The following ADCY2 variants were observed in gnomAD, a reference collection of about 807,000 sequenced individuals.
ADCY2 encodes adenylate cyclase type 2.
ADCY2 carries 31 observed loss-of-function variants against 125.2 expected under a neutral mutation model. The ratio of observed to expected loss-of-function variants is 0.25; its 90% CI spans 0.19 to 0.33. The LOEUF (loss-of-function observed/expected upper bound fraction) is 0.33. ADCY2 is among the 10% of genes least tolerant of loss of function. The pLI is 1.00. For synonymous variants in ADCY2, 512 were observed against 548.4 expected (o/e 0.93, Z 0.93); for missense variants, 904 against 1,418.2 (o/e 0.64, Z 5.82).
intron 1 of ADCY2, among the ~76,000 whole-genome samples, chr5:7,397,033 A>G (rs971290541): frequency 3.3e-5 from 5 of 152,330 alleles, no homozygotes; most frequent in Admixed American, 3.3e-4. Context: ...AATTAAGTAT[A>G]CATCTTTGCC....
At chr5:7,670,714 C>T (rs1196505738) in intron 4 of ADCY2, among the ~76,000 whole-genome samples, 1 of 152,162 alleles carries the variant, frequency 6.6e-6, no homozygotes. Flanking sequence ...ATTAGATTCT[C>T]ATAAGGAGCA....
chr5:7,621,648 A>C (rs1737957839), intron 3 of ADCY2, among the ~76,000 whole-genome samples: 1 of 152,198 alleles, frequency 6.6e-6, no homozygotes, highest in African/African-American at 2.4e-5. Flanking sequence ...CTGTACTCTT[A>C]AATGTGAAAA....
intron 3 of ADCY2, among the ~76,000 whole-genome samples, chr5:7,580,094 T>C (rs1489640436): frequency 6.6e-6 from 1 of 152,092 alleles, no homozygotes; most frequent in Non-Finnish European, 1.5e-5. Context: ...CCCTAGGAGC[T>C]ACTAGAAGGG....
At chr5:7,794,280 G>A (rs926284782) in intron 20 of ADCY2, 2 of 152,196 alleles carry the variant, frequency 1.3e-5, no homozygotes, top group Non-Finnish European at 2.9e-5. Flanking sequence ...AATAGGGTGA[G>A]CAATGGGGGT....
At chr5:7,627,982 T>A (rs1198231341) in intron 4 of ADCY2, among the ~76,000 whole-genome samples, 1 of 152,252 alleles carries the variant, frequency 6.6e-6, no homozygotes, top group Admixed American at 6.5e-5. Flanking sequence ...TTGTTTGTTC[T>A]AGATGTGTGT....
At chr5:7,515,031 T>C (rs1045530428) in intron 2 of ADCY2, among the ~76,000 whole-genome samples, 6 of 152,238 alleles carry the variant, frequency 3.9e-5, no homozygotes, top group African/African-American at 9.6e-5. Context: ...CATGAAATCA[T>C]TGGAGCAGCT....
chr5:7,591,854 GCT>G (rs932554061), intron 3 of ADCY2, among the ~76,000 whole-genome samples: 12 of 152,150 alleles, frequency 7.9e-5, no homozygotes, highest in Non-Finnish European at 1.6e-4. Flanking sequence ...CATTTTCCTG[GCT>G]GCTGGTGAGA....
intron 3 of ADCY2, among the ~76,000 whole-genome samples, chr5:7,591,269 G>T (rs939776607): frequency 2.0e-5 from 3 of 152,142 alleles, no homozygotes; most frequent in Non-Finnish European, 4.4e-5. Context: ...AATGAAACTT[G>T]TTTGTAACTT....
At chr5:7,734,598 G>T (rs1742193039) in intron 14 of ADCY2, among the ~76,000 whole-genome samples, 2 of 152,150 alleles carry the variant, frequency 1.3e-5, no homozygotes, top group Non-Finnish European at 1.5e-5. Flanking sequence ...TTTTGCAACT[G>T]GGCTGTTAAT....
intron 4 of ADCY2, among the ~76,000 whole-genome samples, chr5:7,685,702 G>A (rs944831525): frequency 6.6e-6 from 1 of 152,202 alleles, no homozygotes; most frequent in Non-Finnish European, 1.5e-5. Flanking sequence ...TGAGGCTGGA[G>A]GAGGACTGTT....
chr5:7,412,719 T>C (rs1739772973), intron 1 of ADCY2, among the ~76,000 whole-genome samples: 1 of 152,178 alleles, frequency 6.6e-6, no homozygotes, highest in Non-Finnish European at 1.5e-5. Flanking sequence ...CCCCATTCGG[T>C]TGAGTTCACT....
intron 3 of ADCY2, among the ~76,000 whole-genome samples, chr5:7,577,133 A>G: frequency 6.6e-6 from 1 of 152,188 alleles, no homozygotes; most frequent in Admixed American, 6.5e-5. Context: ...ACTATTGGAT[A>G]TTCGAAACAT....
chr5:7,677,308 A>G (rs571997221), intron 4 of ADCY2, among the ~76,000 whole-genome samples: 2 of 152,240 alleles, frequency 1.3e-5, no homozygotes, highest in Non-Finnish European at 2.9e-5. Flanking sequence ...AACAAAAAAA[A>G]AGAAATTACT....
At chr5:7,508,950 G>A (rs1743951996) in intron 2 of ADCY2, among the ~76,000 whole-genome samples, 1 of 152,228 alleles carries the variant, frequency 6.6e-6, no homozygotes. Flanking sequence ...TAACTACGAA[G>A]ATGGAGATGA....
At chr5:7,653,364 T>C (rs1739164648) in intron 4 of ADCY2, among the ~76,000 whole-genome samples, 1 of 152,176 alleles carries the variant, frequency 6.6e-6, no homozygotes, top group African/African-American at 2.4e-5. Context: ...ATCATCCCCA[T>C]GCATGCTGCA....
chr5:7,666,585 T>C (rs1389677033), intron 4 of ADCY2, among the ~76,000 whole-genome samples: 1 of 152,192 alleles, frequency 6.6e-6, no homozygotes, highest in South Asian at 2.1e-4. Flanking sequence ...GTTTTCTTTA[T>C]GGGTCTGATG....
chr5:7,564,778 A>G (rs1199844541), intron 3 of ADCY2, among the ~76,000 whole-genome samples: 2 of 152,218 alleles, frequency 1.3e-5, no homozygotes, highest in African/African-American at 4.8e-5. Context: ...ACTACCTAAC[A>G]GAGCTCAAAT....
At chr5:7,450,859 C>T (rs1741446300) in intron 2 of ADCY2, among the ~76,000 whole-genome samples, 2 of 152,042 alleles carry the variant, frequency 1.3e-5, no homozygotes, top group South Asian at 4.2e-4. Flanking sequence ...AACAACAAAG[C>T]CTAGAGGACA....
chr5:7,591,777 T>C (rs1736855829), intron 3 of ADCY2, among the ~76,000 whole-genome samples: 1 of 152,186 alleles, frequency 6.6e-6, no homozygotes, highest in African/African-American at 2.4e-5. Flanking sequence ...TTAGAAGTCA[T>C]TGGATATTAT....
Sources: gnomAD v4.1 joint callset for allele counts (sites outside exome capture counted in the v4.1 genomes callset) on GRCh38, gnomAD v4.1.1 for gene constraint, MANE v1.5 for transcripts, NCBI Gene and HGNC (gene_info 2026-07-23, HGNC 2026-07-21) for gene names.